Variants in SDHC observed in about 807,000 individuals in gnomAD.
SDHC encodes the protein succinate dehydrogenase cytochrome b560 subunit, mitochondrial.
Under a neutral mutation model 22.6 loss-of-function variants are expected in SDHC, and 11 were observed. The observed-to-expected ratio is 0.49, with a 90% CI of 0.31 to 0.81. The LOEUF is 0.81. Among genes scored for constraint, SDHC ranks in the 30% least tolerant of loss-of-function variants. The pLI is 0.05. For missense variants in SDHC, 160 were observed against 212.0 expected, an observed-to-expected ratio of 0.75 and a Z score of 1.52; for synonymous variants, 80 against 77.8, an observed-to-expected ratio of 1.03 and a Z score of -0.15.
At chr1:161,321,071 C>T (rs940622583) in intron 1 of SDHC, among the ~76,000 whole-genome samples, 94 of 152,146 alleles carry the variant, frequency 6.2e-4, no homozygotes, top group African/African-American at 1.8e-3. Flanking sequence ...GTGATCTGCC[C>T]GCCTCGGCCT....
At chr1:161,349,824 T>C (rs1458809927) in intron 4 of SDHC, among the ~76,000 whole-genome samples, 1 of 152,208 alleles carries the variant, frequency 6.6e-6, no homozygotes. Flanking sequence ...AGACCTTACC[T>C]TGAAAAAGTT....
intron 1 of SDHC, among the ~76,000 whole-genome samples, chr1:161,317,550 G>GTTTTT (rs34457815): frequency 5.0e-5 from 3 of 59,898 alleles, no homozygotes; most frequent in African/African-American, 9.9e-5. Context: ...TGTGTGTGTG[G>GTTTTT]TTTTTTTTTT....
chr1:161,347,549 C>T (rs1671943172), intron 4 of SDHC, among the ~76,000 whole-genome samples: 1 of 151,398 alleles, frequency 6.6e-6, no homozygotes, highest in Non-Finnish European at 1.5e-5. Context: ...GCCACCACAC[C>T]CGGCTGAGGT....
chr1:161,348,980 A>G (rs1016453340), intron 4 of SDHC, among the ~76,000 whole-genome samples: 1 of 152,214 alleles, frequency 6.6e-6, no homozygotes, highest in African/African-American at 2.4e-5. Flanking sequence ...GAATGAGTCT[A>G]GGAAATCATA....
chr1:161,346,914 A>G (rs1671918347), intron 4 of SDHC, among the ~76,000 whole-genome samples: 1 of 152,236 alleles, frequency 6.6e-6, no homozygotes, highest in Non-Finnish European at 1.5e-5. Flanking sequence ...AATACCTAAT[A>G]CAATGTAAAC....
intron 3 of SDHC, among the ~76,000 whole-genome samples, chr1:161,329,325 TTTC>T (rs1373606971): frequency 1.1e-4 from 16 of 151,990 alleles, no homozygotes; most frequent in Non-Finnish European, 5.9e-5. Flanking sequence ...CTGTATTTGT[TTTC>T]TTCTTCTTTT....
intron 2 of SDHC, among the ~76,000 whole-genome samples, chr1:161,327,654 C>G (rs1422644935): frequency 6.6e-6 from 1 of 151,742 alleles, no homozygotes; most frequent in African/African-American, 2.4e-5. Flanking sequence ...CTCTGCCTCC[C>G]GGGTTCAAGT....
intron 1 of SDHC, among the ~76,000 whole-genome samples, chr1:161,319,812 A>G (rs1411520224): frequency 6.6e-6 from 1 of 152,172 alleles, no homozygotes; most frequent in African/African-American, 2.4e-5. Flanking sequence ...AGAGAACAGC[A>G]TGAGCAAAGG....
chr1:161,314,575 C>G, intron 1 of SDHC, 150 bp downstream of exon 1: 4 of 910,538 alleles, frequency 4.4e-6, no homozygotes, highest in Non-Finnish European at 7.0e-6. Flanking sequence ...TCCTAGAGAC[C>G]CCTTTTCCCG....
chr1:161,354,663 TTGTGTGTGTGTGTGTGTGTGTGTGTG>T (rs60151629), intron 4 of SDHC, among the ~76,000 whole-genome samples: 1 of 116,630 alleles, frequency 8.6e-6, no homozygotes, highest in South Asian at 3.0e-4. Context: ...TCTTATTTCT[TTGTGTGTGTGTGTGTGTGTGTGTGTG>T]TGTGTGTGTG....
At chr1:161,321,039 A>G (rs1670818388) in intron 1 of SDHC, among the ~76,000 whole-genome samples, 1 of 151,982 alleles carries the variant, frequency 6.6e-6, no homozygotes, top group Admixed American at 6.6e-5. Context: ...GTTGGCCAGG[A>G]TGGTCTTGAT....
chr1:161,346,203 G>GA (rs200745199), intron 4 of SDHC, among the ~76,000 whole-genome samples: 4,316 of 152,260 alleles, frequency 0.028, 101 homozygotes, highest in Non-Finnish European at 0.041. Context: ...TAGGTGCTTA[G>GA]AAAATCTTTA....
At chr1:161,354,101 T>C (rs1297512322) in intron 4 of SDHC, among the ~76,000 whole-genome samples, 1 of 152,104 alleles carries the variant, frequency 6.6e-6, no homozygotes, top group East Asian at 1.9e-4. Flanking sequence ...TCCTCCCACC[T>C]CAGCCTCCTA....
chr1:161,339,928 C>T (rs1671659236), intron 3 of SDHC, among the ~76,000 whole-genome samples: 1 of 151,968 alleles, frequency 6.6e-6, no homozygotes, highest in African/African-American at 2.4e-5. Flanking sequence ...GATCCACCTG[C>T]CTTGGCCTCC....
intron 2 of SDHC, among the ~76,000 whole-genome samples, chr1:161,325,341 CAATAAATAAATA>C (rs56075649): frequency 3.3e-5 from 5 of 150,076 alleles, no homozygotes; most frequent in Non-Finnish European, 5.9e-5. Flanking sequence ...TACCCTGTCT[CAATAAATAAATA>C]AATAAATAAA....
At chr1:161,334,796 A>G (rs1282150302) in intron 3 of SDHC, among the ~76,000 whole-genome samples, 2 of 152,178 alleles carry the variant, frequency 1.3e-5, no homozygotes, top group Admixed American at 6.6e-5. Context: ...TTGCCGTAAA[A>G]GGTAACATAT....
intron 2 of SDHC, among the ~76,000 whole-genome samples, chr1:161,324,582 C>T (rs1433758601): frequency 2.6e-5 from 4 of 152,150 alleles, no homozygotes; most frequent in African/African-American, 9.7e-5. Flanking sequence ...GTTTGCTTAT[C>T]ACTCTTTTTT....
At chr1:161,344,767 C>T (rs1410402563) in intron 4 of SDHC, among the ~76,000 whole-genome samples, 2 of 152,172 alleles carry the variant, frequency 1.3e-5, no homozygotes, top group African/African-American at 2.4e-5. Context: ...TCTCAGAATT[C>T]ATGGGATTTC....
intron 5 of SDHC, among the ~76,000 whole-genome samples, chr1:161,360,563 T>TAA (rs758051207): frequency 2.1e-5 from 2 of 95,122 alleles, no homozygotes; most frequent in African/African-American, 8.1e-5. Context: ...CTCAAAAAAT[T>TAA]AAAAAAAAAA....
Sources: gnomAD v4.1 joint callset for allele counts (sites outside exome capture counted in the v4.1 genomes callset) on GRCh38, gnomAD v4.1.1 for gene constraint, MANE v1.5 for transcripts, NCBI Gene and HGNC (gene_info 2026-07-23, HGNC 2026-07-21) for gene names.